Variants in ESYT1 observed in about 807,000 individuals in gnomAD.
ESYT1 encodes the protein extended synaptotagmin 1, also known as extended synaptotagmin-1.
ESYT1 carries 116 observed loss-of-function variants against 154.2 expected under a neutral mutation model. That is an observed-to-expected ratio of 0.75 (90% CI 0.65 to 0.88). The LOEUF is 0.88. Ranked by LOEUF, ESYT1 falls within the 40% of genes least tolerant of loss-of-function variation. The pLI is 0.00. For synonymous variants in ESYT1, 500 were observed against 539.9 expected (o/e 0.93, Z 1.02); for missense variants, 1,264 against 1,379.3 (o/e 0.92, Z 1.32).
At chr12:56,135,857 C>G (rs1250740605) in intron 15 of ESYT1, among the ~76,000 whole-genome samples, 2 of 150,834 alleles carry the variant, frequency 1.3e-5, no homozygotes, top group Non-Finnish European at 3.0e-5. Context: ...TCACTGCACT[C>G]CAGCCTGGGT....
chr12:56,133,972 T>A, intron 13 of ESYT1, 99 bp downstream of exon 13: 5 of 1,533,132 alleles, frequency 3.3e-6, no homozygotes, highest in Admixed American at 1.7e-5. Context: ...TCCAGAAGTA[T>A]CAGCATGTAA....
At chr12:56,134,485 T>C in intron 15 of ESYT1, 57 bp downstream of exon 15, 1 of 1,456,830 alleles carries the variant, frequency 6.9e-7, no homozygotes, top group East Asian at 2.3e-5. Flanking sequence ...TTCCCAGATC[T>C]GTACCATTTC....
chr12:56,144,074 C>T lies in ESYT1; in HGVS notation c.*212C>T. On this transcript the variant is annotated 3_prime_UTR_variant, in exon 31 of 31. Coordinates refer to ENST00000394048, the MANE Select transcript of ESYT1 (RefSeq NM_015292.3). ...GCACGGCCTTTATCCTTCTGGGCCCCTGGGGCGGGGACCTGAGCTGGCTGT... is the reference window on the plus strand; with the variant it reads ...GCACGGCCTTTATCCTTCTGGGCCCTTGGGGCGGGGACCTGAGCTGGCTGT... The T allele has an allele frequency of 7.0e-7, 1 of 1,428,800 alleles. No individual in the cohort carries two copies. The highest frequency in any genetic ancestry group is 1.5e-5 in the South Asian group (1 of 66,566). 88.5% of individuals were successfully genotyped at this position (1,428,800 alleles called of 1,614,324 possible).
Position 56,143,844 on chromosome 12 carries a change from G to C in ESYT1, c.3297G>C (p.Lys1099Asn), listed in dbSNP as rs1421207292. ...VARWYDLMDN[K>N]DKGSS ...ACAGGTATGACCTGATGGACAACAA[G>C]GACAAGGGCAGCTCCTAGGAGCTGG... Residue 1099 changes from lysine to asparagine, a missense_variant, in exon 31 of 31, where the codon AAG (lysine) becomes AAC (asparagine). By Grantham distance (94) the Lys-to-Asn change is moderately conservative. Transcript: ENST00000394048. 1.2e-6 allele frequency: 2 copies of C among 1,613,984 alleles called. No homozygotes were observed. The highest frequency in any genetic ancestry group is 1.7e-6 in the Non-Finnish European group (2 of 1,179,938).
chr12:56,138,688 G>A, intron 22 of ESYT1, 80 bp from the exon 23 acceptor site: 1 of 1,429,368 alleles, frequency 7.0e-7, no homozygotes, highest in Non-Finnish European at 9.9e-7. Flanking sequence ...AGACATGGCT[G>A]CTGGCTGTGG....
Position 56,131,807 on chromosome 12 carries a change from A to G in ESYT1, c.860+3A>G. The G allele has an allele frequency of 1.2e-6, 2 of 1,614,134 alleles. No homozygotes were observed. Among genetic ancestry groups the G allele is most frequent in the South Asian group, 1.1e-5 (1 of 91,084 alleles). Reference sequence around the variant, plus strand: ...CTGCTGGATATCCCAGGACTTAGGTATCAAGGACTTACTGAGCACCTGCTG... The same window carrying G: ...CTGCTGGATATCCCAGGACTTAGGTGTCAAGGACTTACTGAGCACCTGCTG... On this transcript the variant is annotated splice_donor_region_variant and intron_variant, in intron 7 of 30. Coordinates refer to ENST00000394048, the MANE Select transcript of ESYT1 (RefSeq NM_015292.3).
At chr12:56,136,337 T>C (rs1253968106) in intron 15 of ESYT1, among the ~76,000 whole-genome samples, 3 of 152,026 alleles carry the variant, frequency 2.0e-5, no homozygotes, top group South Asian at 4.1e-4. Context: ...CAGAGGACTA[T>C]AAAAGATGGC....
Position 56,142,674 on chromosome 12 carries a change from C to T in ESYT1, c.2830C>T (p.Pro944Ser). The change falls in exon 26 of 31, where the codon CCC (proline) becomes TCC (serine). Residue 944 changes from proline (P) to serine (S), a missense_variant. Pro to Ser is a moderately conservative substitution (Grantham distance 74). Transcript: ENST00000394048. This position sits in a 1 kb window ranked among gnomAD's most constrained non-coding sequence, Gnocchi z 4.1. The part of the protein sequence containing the change: ...LSEEPELSGG[P>S]PHITSSAPEL... ...TGAAGAACCAGAGCTCTCGGGGGGACCCCCTCACATCACCTCCTCAGCCCC... is the reference window on the plus strand; with the variant it reads ...TGAAGAACCAGAGCTCTCGGGGGGATCCCCTCACATCACCTCCTCAGCCCC... 1 of 1,614,070 alleles carries T rather than the reference C, an allele frequency of 6.2e-7. No individual in the cohort carries two copies. The highest frequency in any genetic ancestry group is 8.5e-7 in the Non-Finnish European group (1 of 1,180,036).
chr12:56,137,919 G>T lies in ESYT1; in HGVS notation c.2198+5G>T, dbSNP rs773802596. On this transcript the variant is annotated splice_donor_5th_base_variant and intron_variant, in intron 19 of 30. Coordinates refer to ENST00000394048, the MANE Select transcript of ESYT1 (RefSeq NM_015292.3). ...CAAGGATGATTTTCTGGGCAGGTGA[G>T]AGCATAGGAGTCTACGTGAAAAACA... 2 of 1,614,210 alleles carry T rather than the reference G, an allele frequency of 1.2e-6. No homozygotes were observed. The highest frequency in any genetic ancestry group is 1.7e-6 in the Non-Finnish European group (2 of 1,180,034).
Position 56,138,254 on chromosome 12 carries a change from T to G in ESYT1, c.2319T>G (p.Thr773=). ...LRLERLTPRP[T]AAELEEVLQV... Reference sequence around the variant, plus strand: ...TGGAGCGTCTCACCCCCCGTCCCACTGCTGCTGAGTTAGAGGAGGTAGGGC... The same window carrying G: ...TGGAGCGTCTCACCCCCCGTCCCACGGCTGCTGAGTTAGAGGAGGTAGGGC... The change falls in exon 21 of 31, where the codon ACT becomes ACG. Residue 773 remains threonine (T), a synonymous_variant. Transcript: ENST00000394048. 1 of 1,614,212 alleles carries G rather than the reference T, an allele frequency of 6.2e-7. No homozygotes were observed. The highest frequency in any genetic ancestry group is 8.5e-7 in the Non-Finnish European group (1 of 1,180,040).
At chr12:56,141,179 C>T (rs1011190443) in intron 24 of ESYT1, among the ~76,000 whole-genome samples, 5 of 151,982 alleles carry the variant, frequency 3.3e-5, no homozygotes, top group African/African-American at 4.8e-5. Context: ...CCACTGTGCC[C>T]GGCTGAAATT....
Position 56,131,275 on chromosome 12 carries a change from G to A in ESYT1, c.673G>A (p.Val225Met), listed in dbSNP as rs1369505893. The change falls in exon 5 of 31, where the codon GTG becomes ATG. Residue 225 changes from valine (V) to methionine (M), a missense_variant. Physicochemically the swap from Val to Met is conservative, Grantham distance 21. Coordinates refer to ENST00000394048, the MANE Select transcript of ESYT1 (RefSeq NM_015292.3). ...YVGDVQIDVE[V>M]KKYFCKAGVK... ...AGGTGATGTGCAGATTGATGTGGAAGTGAAGAAATATTTTTGCAAAGCAGG... is the reference window on the plus strand; with the variant it reads ...AGGTGATGTGCAGATTGATGTGGAAATGAAGAAATATTTTTGCAAAGCAGG... The A allele has an allele frequency of 1.2e-6, 2 of 1,614,208 alleles. No individual in the cohort carries two copies. The highest frequency in any genetic ancestry group is 1.7e-5 in the Admixed American group (1 of 60,030).
At chr12:56,132,848 C>T (rs375819711) in intron 10 of ESYT1, 47 bp downstream of exon 10, 117 of 1,549,884 alleles carry the variant, frequency 7.5e-5, no homozygotes, top group South Asian at 4.5e-4. Flanking sequence ...TGGCCAGGCA[C>T]GGTGGCTCAT....
At chr12:56,139,194 C>T (rs961273887) in intron 24 of ESYT1, among the ~76,000 whole-genome samples, 181 bp downstream of exon 24, 5 of 151,450 alleles carry the variant, frequency 3.3e-5, no homozygotes, top group Admixed American at 2.0e-4. Context: ...CTGCAAGCTC[C>T]GCCTCCTGGG....
rs1870754413 is a variant in ESYT1 at position 56,142,697 on chromosome 12, C to T, written c.2853C>T (p.Ala951=). The T allele has an allele frequency of 1.2e-6, 2 of 1,614,010 alleles. No homozygotes were observed. Among genetic ancestry groups the T allele is most frequent in the Non-Finnish European group, 1.7e-6 (2 of 1,180,040 alleles). The change falls in exon 26 of 31, where the codon GCC becomes GCT. Residue 951 remains alanine, a synonymous_variant. Coordinates refer to ENST00000394048, the MANE Select transcript of ESYT1 (RefSeq NM_015292.3). This position sits in a 1 kb window ranked among gnomAD's most constrained non-coding sequence, Gnocchi z 4.1. Reference sequence around the variant, plus strand: ...GACCCCCTCACATCACCTCCTCAGCCCCAGAGCTCCGGCAGCGCCTAACAC... The same window carrying T: ...GACCCCCTCACATCACCTCCTCAGCTCCAGAGCTCCGGCAGCGCCTAACAC... ...SGGPPHITSS[A]PELRQRLTHV...
chr12:56,131,868 CAG>C (rs1368924168), intron 7 of ESYT1, 64 bp downstream of exon 7: 1 of 1,525,772 alleles, frequency 6.6e-7, no homozygotes, highest in Admixed American at 1.7e-5. Context: ...TTAAGGGACA[CAG>C]AGCAGTCAAA....
chr12:56,133,493 G>A (rs1365344441), intron 11 of ESYT1, 28 bp downstream of exon 11: 2 of 1,613,996 alleles, frequency 1.2e-6, no homozygotes, highest in South Asian at 1.1e-5. Flanking sequence ...GAAGGTGGGG[G>A]CTGATCTCAC....
chr12:56,142,577 G>C lies in ESYT1; in HGVS notation c.2734-1G>C. 6.2e-7 allele frequency: 1 copy of C among 1,614,152 alleles called. No homozygotes were observed. The highest frequency in any genetic ancestry group is 8.5e-7 in the Non-Finnish European group (1 of 1,180,030). ...CCAGCTCACAGCTTTCTTGCCCCTA[G>C]ATCCTGGTGTCCCAGCACTCGGGAG... On this transcript the variant is annotated splice_acceptor_variant, in intron 25 of 30. Coordinates refer to ENST00000394048, the MANE Select transcript of ESYT1 (RefSeq NM_015292.3). LOFTEE classifies it high-confidence loss of function. This position sits in a 1 kb window ranked among gnomAD's most constrained non-coding sequence, Gnocchi z 4.1.
rs147348788 is a variant in ESYT1, at chr12:56,132,594, T to C, written c.1158T>C (p.Tyr386=). The change falls in exon 9 of 31, where the codon TAT becomes TAC. Residue 386 remains tyrosine, a synonymous_variant. Transcript: ENST00000394048. The part of the protein sequence containing the change: ...EELNPQWGET[Y]EVMVHEVPGQ... ...TCAACCCACAGTGGGGAGAGACTTA[T>C]GAGGTGGGAGAGTTGAGCAGCTCTG... The C allele has an allele frequency of 6.8e-6, 11 of 1,614,014 alleles. No homozygotes were observed. Among genetic ancestry groups the C allele is most frequent in the African/African-American group, 5.3e-5 (4 of 74,904 alleles).
Sources: gnomAD v4.1 joint callset for allele counts (sites outside exome capture counted in the v4.1 genomes callset) on GRCh38, gnomAD v4.1.1 for gene constraint, Gnocchi (gnomAD v3.1) non-coding constraint, MANE v1.5 for transcripts, NCBI Gene and HGNC (gene_info 2026-07-23, HGNC 2026-07-21) for gene names.